SPON1: variants seen among roughly 807,000 people sequenced by gnomAD.
SPON1 encodes the protein spondin-1.
A neutral mutation model predicts 111.7 loss-of-function variants in SPON1; 52 were observed. That is an observed-to-expected ratio of 0.47 (90% confidence interval 0.37 to 0.59). The LOEUF (loss-of-function observed/expected upper bound fraction) is 0.59, where lower values mean the gene tolerates loss of function less well. Among genes scored for constraint, SPON1 ranks in the 20% least tolerant of loss-of-function variants. The pLI is 0.00. For missense variants in SPON1, 957 were observed against 1,068.5 expected (o/e 0.90, Z 1.46); for synonymous variants, 410 against 395.8 (o/e 1.04, Z -0.43).
At chr11:14,153,738 C>A (rs1847811882) in intron 6 of SPON1, among the ~76,000 whole-genome samples, 1 of 152,138 alleles carries the variant, frequency 6.6e-6, no homozygotes, top group Non-Finnish European at 1.5e-5. Context: ...AATTCAAATG[C>A]CCAAATCCCA....
chr11:13,979,127 C>A (rs1848124875), intron 1 of SPON1, among the ~76,000 whole-genome samples: 1 of 152,214 alleles, frequency 6.6e-6, no homozygotes, highest in Non-Finnish European at 1.5e-5. Flanking sequence ...ACGGTGTTTT[C>A]TTCTGGAGGG....
intron 6 of SPON1, among the ~76,000 whole-genome samples, chr11:14,165,022 G>A (rs10766162): frequency 0.38 from 57,108 of 151,994 alleles, 11,184 homozygotes; most frequent in East Asian, 0.55. Flanking sequence ...CCAGCTGCAT[G>A]ACTCCTAAAC....
intron 15 of SPON1, among the ~76,000 whole-genome samples, chr11:14,263,999 A>T (rs1554942181): frequency 6.6e-6 from 1 of 151,794 alleles, no homozygotes; most frequent in Non-Finnish European, 1.5e-5. Flanking sequence ...ATTGCACTCC[A>T]GTCTGGGCAA....
chr11:14,246,547 T>C (rs1848992256), intron 7 of SPON1, among the ~76,000 whole-genome samples: 2 of 152,148 alleles, frequency 1.3e-5, no homozygotes, highest in Admixed American at 1.3e-4. Flanking sequence ...CAATGAGCCT[T>C]CTGATTGGCA....
At chr11:14,022,387 C>T (rs1489844575) in intron 2 of SPON1, among the ~76,000 whole-genome samples, 3 of 152,154 alleles carry the variant, frequency 2.0e-5, no homozygotes, top group Non-Finnish European at 4.4e-5. Context: ...ATATCTTAGT[C>T]ATTACTTACT....
At chr11:14,043,897 G>T (rs561457394) in intron 3 of SPON1, among the ~76,000 whole-genome samples, 44 of 152,294 alleles carry the variant, frequency 2.9e-4, no homozygotes, top group African/African-American at 1.0e-3. Flanking sequence ...ATTAGCCCAG[G>T]CATCCAGGAT....
chr11:13,973,412 G>A (rs1266096311), intron 1 of SPON1, among the ~76,000 whole-genome samples: 1 of 152,180 alleles, frequency 6.6e-6, no homozygotes, highest in African/African-American at 2.4e-5. Flanking sequence ...ACGTTCTCTT[G>A]GCTGACACAT....
chr11:14,243,387 C>A lies in SPON1; in HGVS notation c.881C>A (p.Pro294His), dbSNP rs868922193. Residue 294 changes from proline (P) to histidine (H), a missense_variant, in exon 7 of 16, where the codon CCT becomes CAT. Coordinates refer to ENST00000576479, the MANE Select transcript of SPON1 (RefSeq NM_006108.4). ...AAAGCCCAATGGCCAGCCTGGCAGCCTCTCAACGTGTAAGTAACACAAGTC... is the reference window on the plus strand; with the variant it reads ...AAAGCCCAATGGCCAGCCTGGCAGCATCTCAACGTGTAAGTAACACAAGTC... ...KAKAQWPAWQ[P>H]LNVRAAPSAE... is the part of the protein sequence containing the mutation. 6.4e-7 allele frequency: 1 copy of A among 1,573,562 alleles called. No homozygotes were observed. The highest frequency in any genetic ancestry group is 2.3e-5 in the East Asian group (1 of 42,970).
At chr11:14,177,849 A>G (rs1848194463) in intron 6 of SPON1, among the ~76,000 whole-genome samples, 1 of 152,212 alleles carries the variant, frequency 6.6e-6, no homozygotes, top group Non-Finnish European at 1.5e-5. Flanking sequence ...AGCAAGATGG[A>G]GTCAGTTAAG....
At chr11:14,093,482 C>T (rs554630648) in intron 5 of SPON1, among the ~76,000 whole-genome samples, 1 of 152,272 alleles carries the variant, frequency 6.6e-6, no homozygotes, top group African/African-American at 2.4e-5. Flanking sequence ...GATATGACAT[C>T]GGTTTTAATG....
At chr11:14,219,242 C>T (rs1848655302) in intron 6 of SPON1, among the ~76,000 whole-genome samples, 1 of 152,202 alleles carries the variant, frequency 6.6e-6, no homozygotes, top group African/African-American at 2.4e-5. Context: ...AATGTTCCTA[C>T]CTGCTGCAGT....
At chr11:14,221,161 C>T (rs1403801724) in intron 6 of SPON1, among the ~76,000 whole-genome samples, 2 of 152,190 alleles carry the variant, frequency 1.3e-5, no homozygotes, top group Admixed American at 1.3e-4. Flanking sequence ...ATATTTTGTG[C>T]ATCCTCCTGA....
At chr11:14,123,900 C>G (rs1591381787) in intron 5 of SPON1, among the ~76,000 whole-genome samples, 1 of 152,206 alleles carries the variant, frequency 6.6e-6, no homozygotes, top group Non-Finnish European at 1.5e-5. Flanking sequence ...CCTTTGCGGT[C>G]TGTTTTCCAA....
Position 14,135,182 on chromosome 11 carries a change from T to C in SPON1, c.677-238T>C. ...GAGACCTTCCTAGACAGAACGCATC[T>C]CTGGGCTGCCTCTGCGTCTTGTTCA... is the stretch of plus-strand genomic sequence containing the variant. On this transcript the variant is annotated intron_variant, in intron 5 of 15. Transcript: ENST00000576479. The surrounding 1 kb of genome is among the most constrained non-coding windows in gnomAD (Gnocchi z 4.4). 1 of 421,204 alleles carries C rather than the reference T, an allele frequency of 2.4e-6. No individual in the cohort carries two copies. The highest frequency in any genetic ancestry group is 3.6e-5 in the Admixed American group (1 of 27,884). 26.1% of individuals were successfully genotyped at this position (421,204 alleles called of 1,614,324 possible).
chr11:14,010,025 G>A (rs141673722), intron 2 of SPON1, among the ~76,000 whole-genome samples: 105 of 152,300 alleles, frequency 6.9e-4, no homozygotes, highest in African/African-American at 2.4e-3. Context: ...TATATTCCCA[G>A]TGCTTAGCAT....
intron 3 of SPON1, among the ~76,000 whole-genome samples, chr11:14,070,542 A>G (rs1554920799): frequency 6.6e-6 from 1 of 152,192 alleles, no homozygotes; most frequent in Admixed American, 6.5e-5. Flanking sequence ...AATGACCACC[A>G]CATACTGGAT....
chr11:14,214,173 C>T (rs2133903242), intron 6 of SPON1, among the ~76,000 whole-genome samples: 1 of 152,310 alleles, frequency 6.6e-6, no homozygotes, highest in Non-Finnish European at 1.5e-5. Context: ...TAGCCTTTCA[C>T]TCCATGTTGT....
At chr11:13,986,573 T>C (rs1398689572) in intron 2 of SPON1, among the ~76,000 whole-genome samples, 1 of 150,652 alleles carries the variant, frequency 6.6e-6, no homozygotes, top group East Asian at 1.9e-4. Flanking sequence ...ATAGTCACTC[T>C]GAATATTCTT....
intron 6 of SPON1, 21 bp from the exon 7 acceptor site, chr11:14,243,311 A>G (rs782553450): frequency 2.5e-6 from 4 of 1,568,882 alleles, no homozygotes; most frequent in Admixed American, 3.8e-5. Context: ...TTCACTAAAT[A>G]TTTGTGGTCC....
Sources: allele counts gnomAD v4.1 joint callset (sites outside exome capture counted in the v4.1 genomes callset), GRCh38; gene constraint gnomAD v4.1.1; non-coding constraint Gnocchi (gnomAD v3.1); transcripts MANE v1.5; gene names NCBI Gene and HGNC (gene_info 2026-07-23, HGNC 2026-07-21).